Variants in SRBD1 observed in about 807,000 individuals in gnomAD.
The protein encoded by SRBD1 is S1 RNA binding domain 1, also known as S1 RNA-binding domain-containing protein 1.
A neutral mutation model predicts 115.3 loss-of-function variants in SRBD1; 88 were observed. The ratio of observed to expected loss-of-function variants is 0.76; its 90% CI spans 0.64 to 0.91. The LOEUF (loss-of-function observed/expected upper bound fraction) is 0.91, where lower values mean the gene tolerates loss of function less well. SRBD1 is among the 40% of genes least tolerant of loss of function. The pLI, the probability that SRBD1 is intolerant of heterozygous loss-of-function variation, is 0.00. For synonymous variants in SRBD1, 509 were observed against 407.7 expected (o/e 1.25, Z -2.99); for missense variants, 1,385 against 1,177.4 (o/e 1.18, Z -2.58).
intron 9 of SRBD1, among the ~76,000 whole-genome samples, chr2:45,563,291 C>T (rs1672730554): frequency 6.6e-6 from 1 of 151,998 alleles, no homozygotes; most frequent in Admixed American, 6.6e-5. Context: ...CTGAAACTAA[C>T]TTGTTGCAAA....
intron 15 of SRBD1, among the ~76,000 whole-genome samples, chr2:45,478,663 C>T (rs567008666): frequency 6.6e-6 from 1 of 152,254 alleles, no homozygotes; most frequent in South Asian, 2.1e-4. Context: ...TAGAGATATA[C>T]TTGAATTTCT....
At chr2:45,565,098 C>A (rs1672785446) in intron 9 of SRBD1, among the ~76,000 whole-genome samples, 1 of 152,136 alleles carries the variant, frequency 6.6e-6, no homozygotes, top group South Asian at 2.1e-4. Flanking sequence ...CCTATCAAAT[C>A]CCAATTGGCA....
intron 14 of SRBD1, among the ~76,000 whole-genome samples, chr2:45,528,325 T>G (rs1284518532): frequency 6.6e-6 from 1 of 151,600 alleles, no homozygotes; most frequent in Non-Finnish European, 1.5e-5. Context: ...AAAAGAAGAA[T>G]GGTAAACAAG....
chr2:45,572,524 G>C (rs182288923), intron 9 of SRBD1, among the ~76,000 whole-genome samples: 1 of 152,016 alleles, frequency 6.6e-6, no homozygotes, highest in Non-Finnish European at 1.5e-5. Flanking sequence ...TAGGAAGTTT[G>C]TCACTAGTAG....
chr2:45,601,924 G>C lies in SRBD1; in HGVS notation c.240C>G (p.Val80=). Residue 80 remains valine, a synonymous_variant, in exon 3 of 21, where the codon GTC becomes GTG. Coordinates refer to ENST00000263736, the MANE Select transcript of SRBD1 (RefSeq NM_018079.5). ...NAPQISDGSE[V]VVVKEELNSS... ...CTACCAGCTCCTCCTTAACAACAAC[G>C]ACTTCTGAGCCATCACTGATCTGTG... 2 of 1,614,038 alleles carry C rather than the reference G, an allele frequency of 1.2e-6. No individual in the cohort carries two copies. The highest frequency in any genetic ancestry group is 8.5e-7 in the Non-Finnish European group (1 of 1,179,974).
chr2:45,515,494 A>G (rs1671092329), intron 14 of SRBD1, among the ~76,000 whole-genome samples: 1 of 152,188 alleles, frequency 6.6e-6, no homozygotes, highest in Non-Finnish European at 1.5e-5. Context: ...GGTATTTTAG[A>G]AAACTGAAGC....
At position 45,535,059 on chromosome 2, in the gene SRBD1, T is replaced by A. The variant is rs1423189771; in HGVS notation, c.1874+11673A>T. ...AAAACTCAAGTCTTTCAAAAACTTT[T>A]TTGGTTCTGATTCTAACACACCTCA... On this transcript the variant is annotated intron_variant, in intron 14 of 20. Transcript: ENST00000263736. Among the ~76,000 whole-genome samples, 8 of 152,144 alleles carry A rather than the reference T, an allele frequency of 5.3e-5. No homozygotes were observed. In the East Asian group the frequency reaches 1.5e-3, roughly 29 times the overall value.
intron 11 of SRBD1, among the ~76,000 whole-genome samples, chr2:45,551,517 T>C (rs146746215): frequency 2.4e-4 from 37 of 152,278 alleles, no homozygotes; most frequent in African/African-American, 8.7e-4. Flanking sequence ...ACATTACCTC[T>C]CTATCTGCTC....
At chr2:45,413,555 AAAT>A (rs1667669523) in intron 18 of SRBD1, among the ~76,000 whole-genome samples, 2 of 152,256 alleles carry the variant, frequency 1.3e-5, no homozygotes, top group East Asian at 1.9e-4. Flanking sequence ...TAGGGAAACA[AAAT>A]AATAATATTT....
chr2:45,391,226 C>G (rs113244059), intron 20 of SRBD1, among the ~76,000 whole-genome samples: 2,690 of 152,280 alleles, frequency 0.018, 75 homozygotes, highest in African/African-American at 0.061. Flanking sequence ...AGAAAATCCT[C>G]TGTGTACCAT....
rs61241979 is a variant in SRBD1 at position 45,576,434 on chromosome 2, G to T, written c.1073-1711C>A. On this transcript the variant is annotated intron_variant, in intron 7 of 20. Transcript: ENST00000263736. Reference sequence around the variant, plus strand: ...TTTTCAACTTTGAAGAGGGAGTCGGGGGGGGTGGGGGTTGTTCCCCTAATC... The same window carrying T: ...TTTTCAACTTTGAAGAGGGAGTCGGTGGGGGTGGGGGTTGTTCCCCTAATC... Among the ~76,000 whole-genome samples, 8 of 152,198 alleles carry T rather than the reference G, an allele frequency of 5.3e-5. No individual in the cohort carries two copies. In the South Asian group the frequency reaches 6.2e-4, roughly 12 times the overall value.
intron 9 of SRBD1, among the ~76,000 whole-genome samples, chr2:45,571,463 G>T (rs1368719262): frequency 1.7e-5 from 2 of 117,318 alleles, no homozygotes; most frequent in Non-Finnish European, 3.3e-5. Flanking sequence ...GGAGGGGAGA[G>T]AATCTGATTT....
chr2:45,590,433 G>T (rs1436974578), intron 4 of SRBD1, among the ~76,000 whole-genome samples: 1 of 152,162 alleles, frequency 6.6e-6, no homozygotes, highest in African/African-American at 2.4e-5. Context: ...GATATGGTTT[G>T]GCTCTGTGTC....
intron 19 of SRBD1, among the ~76,000 whole-genome samples, chr2:45,393,359 C>T (rs1445757764): frequency 6.6e-6 from 1 of 152,118 alleles, no homozygotes; most frequent in Non-Finnish European, 1.5e-5. Context: ...AAATGAAGCA[C>T]CTGCTCAGAG....
chr2:45,455,914 C>T (rs186712185), intron 16 of SRBD1, among the ~76,000 whole-genome samples: 15 of 151,868 alleles, frequency 9.9e-5, no homozygotes, highest in Admixed American at 2.6e-4. Context: ...ATAAAATAAG[C>T]CCCACTTGTT....
At chr2:45,566,109 G>A (rs1237487120) in intron 9 of SRBD1, among the ~76,000 whole-genome samples, 1 of 152,174 alleles carries the variant, frequency 6.6e-6, no homozygotes, top group Non-Finnish European at 1.5e-5. Flanking sequence ...CAAACCGCTG[G>A]TGAGAATGTA....
At chr2:45,598,808 C>T (rs189531104) in intron 4 of SRBD1, among the ~76,000 whole-genome samples, 12 of 151,894 alleles carry the variant, frequency 7.9e-5, no homozygotes, top group Middle Eastern at 3.4e-3. Context: ...GGGAAGTCAC[C>T]CCCACCTACC....
intron 19 of SRBD1, among the ~76,000 whole-genome samples, chr2:45,406,595 C>T (rs935377729): frequency 6.6e-6 from 1 of 152,114 alleles, no homozygotes. Context: ...ATACTCCTCT[C>T]CTAAAATAAG....
intron 4 of SRBD1, among the ~76,000 whole-genome samples, chr2:45,592,414 G>A (rs1673755231): frequency 6.6e-6 from 1 of 152,102 alleles, no homozygotes; most frequent in Admixed American, 6.5e-5. Flanking sequence ...CACGGGAAAG[G>A]GGCTGGCCTA....
Sources: allele counts gnomAD v4.1 joint callset (sites outside exome capture counted in the v4.1 genomes callset), GRCh38; gene constraint gnomAD v4.1.1; transcripts MANE v1.5; gene names NCBI Gene and HGNC (gene_info 2026-07-23, HGNC 2026-07-21).